ZNF7: variants seen among roughly 807,000 people sequenced by gnomAD.
ZNF7 encodes the protein C2-H2 type zinc finger protein.
In ZNF7, 10 loss-of-function variants were observed where a neutral mutation model predicts 12.0. The observed-to-expected ratio is 0.83, with a 90% confidence interval of 0.51 to 1.42. ZNF7 has a LOEUF of 1.42. Among genes scored for constraint, ZNF7 ranks in the 40% most tolerant of loss-of-function variants. The probability of loss-of-function intolerance (pLI) is 0.00; values close to 1 mark genes in which losing one functional copy is unlikely to be tolerated. For synonymous variants in ZNF7, 334 were observed against 295.0 expected (o/e 1.13, Z -1.35); for missense variants, 854 against 837.2 (o/e 1.02, Z -0.25).
At position 144,842,526 on chromosome 8, in the gene ZNF7, G is replaced by A; in HGVS notation, c.1419G>A (p.Glu473=). 4 of 1,614,120 alleles carry A rather than the reference G, an allele frequency of 2.5e-6. No individual in the cohort carries two copies. Among genetic ancestry groups the A allele is most frequent in the Non-Finnish European group, 3.4e-6 (4 of 1,180,022 alleles). Reference sequence around the variant, plus strand: ...GAGAAAAACCATTTAAATGTGATGAGTGTGGCAAAGGCTTTGTTCAGGGCT... The same window carrying A: ...GAGAAAAACCATTTAAATGTGATGAATGTGGCAAAGGCTTTGTTCAGGGCT... The part of the protein sequence containing the change: ...HTGEKPFKCD[E]CGKGFVQGSH... Residue 473 remains glutamate, a synonymous_variant, in exon 5 of 5, where the codon GAG becomes GAA. Coordinates refer to ENST00000532777, the MANE Select transcript of ZNF7 (RefSeq NM_003416.4).
intron 4 of ZNF7, among the ~76,000 whole-genome samples, chr8:144,840,668 T>G (rs1625919): frequency 6.6e-6 from 1 of 151,766 alleles, no homozygotes; most frequent in African/African-American, 2.4e-5. Flanking sequence ...GAAGGCCTCC[T>G]GGGGGCCTCC....
At position 144,841,540 on chromosome 8, in the gene ZNF7, G is replaced by A. The variant is rs1350102788; in HGVS notation, c.433G>A (p.Gly145Ser). The part of the protein sequence containing the change: ...HLGSPGLKVT[G>S]FTFQNNCLNE... Reference sequence around the variant, plus strand: ...GGGCAGTCCCGGGCTGAAAGTGACAGGCTTTACCTTCCAAAATAACTGTTT... The same window carrying A: ...GGGCAGTCCCGGGCTGAAAGTGACAAGCTTTACCTTCCAAAATAACTGTTT... The change falls in exon 5 of 5, where the codon GGC (glycine) becomes AGC (serine). Residue 145 changes from glycine (G) to serine (S), a missense_variant. Gly to Ser is a moderately conservative substitution (Grantham distance 56). Transcript: ENST00000532777. The A allele has an allele frequency of 6.2e-7, 1 of 1,614,048 alleles. No homozygotes were observed. Among genetic ancestry groups the A allele is most frequent in the African/African-American group, 1.3e-5 (1 of 74,918 alleles).
chr8:144,841,842 T>C lies in ZNF7; in HGVS notation c.735T>C (p.His245=), dbSNP rs1563841493. The stretch of plus-strand genomic sequence containing the variant: ...AGGGGAAACATACAAATAACTGCCA[T>C]GGAGAGAAGCCGTACGAATGTGCAG... The part of the protein sequence containing the change: ...CLQGKHTNNC[H]GEKPYECAEC... Residue 245 remains histidine (H), a synonymous_variant, in exon 5 of 5, where the codon CAT becomes CAC. Coordinates refer to ENST00000532777, the MANE Select transcript of ZNF7 (RefSeq NM_003416.4). 7.4e-6 allele frequency: 12 copies of C among 1,614,018 alleles called. No individual in the cohort carries two copies. Among genetic ancestry groups the C allele is most frequent in the Admixed American group, 1.7e-5 (1 of 60,004 alleles).
chr8:144,842,301 A>C lies in ZNF7; in HGVS notation c.1194A>C (p.Pro398=). ...KAQILKASDS[P]SLVAHQRIHA... Reference sequence around the variant, plus strand: ...AAATTCTAAAAGCCTCAGACAGTCCAAGCCTTGTTGCACATCAGAGAATTC... The same window carrying C: ...AAATTCTAAAAGCCTCAGACAGTCCCAGCCTTGTTGCACATCAGAGAATTC... The change falls in exon 5 of 5, where the codon CCA becomes CCC. Residue 398 remains proline, a synonymous_variant. Transcript: ENST00000532777. 6.2e-7 allele frequency: 1 copy of C among 1,614,056 alleles called. No individual in the cohort carries two copies. The highest frequency in any genetic ancestry group is 1.1e-5 in the South Asian group (1 of 91,090).
intron 3 of ZNF7, 94 bp from the exon 4 acceptor site, chr8:144,837,296 CT>C (rs887759581): frequency 9.2e-7 from 1 of 1,085,264 alleles, no homozygotes; most frequent in African/African-American, 1.5e-5. Flanking sequence ...TGTAGCCCCC[CT>C]GCCCCTTTCC....
downstream of ZNF7, among the ~76,000 whole-genome samples, chr8:144,844,709 CAA>C (rs71320849): frequency 1.6e-4 from 14 of 88,642 alleles, no homozygotes; most frequent in East Asian, 2.1e-3. Flanking sequence ...GACTCTGTAT[CAA>C]AAAAAAAAAA....
chr8:144,836,971 A>C lies in ZNF7; in HGVS notation c.131-420A>C, dbSNP rs114184312. ...TGCAAAATGTGCTTCGTTTGTGTCT[A>C]TTCATCGTTGTTTGTTACCTTATTT... On this transcript the variant is annotated intron_variant, in intron 3 of 4. Transcript: ENST00000532777. The C allele has an allele frequency of 1.3e-3, 207 of 154,654 alleles. 1 individual carries two copies. The highest frequency in any genetic ancestry group is 3.9e-3 in the Admixed American group (60 of 15,502). The allele number at this position is 154,654 out of a possible 1,614,324, so 9.6% of individuals were successfully genotyped here.
chr8:144,837,542 G>A (rs779425755), intron 4 of ZNF7, 35 bp downstream of exon 4: 1 of 1,530,830 alleles, frequency 6.5e-7, no homozygotes, highest in Non-Finnish European at 9.0e-7. Flanking sequence ...GAAGCCCTGG[G>A]GTGAGGAGAA....
downstream of ZNF7, among the ~76,000 whole-genome samples, chr8:144,845,587 T>C (rs775464101): frequency 4.6e-5 from 7 of 152,214 alleles, no homozygotes; most frequent in Non-Finnish European, 8.8e-5. Flanking sequence ...CCTTGTCCAT[T>C]TGATTTTCTC....
intron 4 of ZNF7, chr8:144,841,105 G>A (rs1397744705): frequency 6.2e-6 from 3 of 480,748 alleles, no homozygotes; most frequent in Non-Finnish European, 1.1e-5. Flanking sequence ...GGACCTCTCT[G>A]CTCACAGAAC....
downstream of ZNF7, among the ~76,000 whole-genome samples, chr8:144,845,290 C>T (rs997430789): frequency 3.9e-5 from 6 of 152,214 alleles, no homozygotes; most frequent in African/African-American, 7.2e-5. Flanking sequence ...ATTCCCATGA[C>T]GCAGAGGCCC....
Position 144,842,958 on chromosome 8 carries a change from A to G in ZNF7, c.1851A>G (p.Glu617=), listed in dbSNP as rs772935138. 2 of 1,614,234 alleles carry G rather than the reference A, an allele frequency of 1.2e-6. No individual in the cohort carries two copies. Among genetic ancestry groups the G allele is most frequent in the South Asian group, 2.2e-5 (2 of 91,086 alleles). ...QWFYEYGNAL[E]GSTFVSRKKV... ...TTTACGAATATGGGAATGCCCTGGA[A>G]GGGTCCACCTTTGTGAGCCGTAAAA... The change falls in exon 5 of 5, where the codon GAA becomes GAG. Residue 617 remains glutamate (E), a synonymous_variant. Coordinates refer to ENST00000532777, the MANE Select transcript of ZNF7 (RefSeq NM_003416.4).
rs1486478556 is a variant in ZNF7 at position 144,841,981 on chromosome 8, A to G, written c.874A>G (p.Lys292Glu). 1.2e-6 allele frequency: 2 copies of G among 1,614,168 alleles called. No homozygotes were observed. The highest frequency in any genetic ancestry group is 1.7e-6 in the Non-Finnish European group (2 of 1,180,020). The change falls in exon 5 of 5, where the codon AAA (lysine) becomes GAA (glutamate). Residue 292 changes from lysine (K) to glutamate (E), a missense_variant. By Grantham distance (56) the Lys-to-Glu change is moderately conservative. Coordinates refer to ENST00000532777, the MANE Select transcript of ZNF7 (RefSeq NM_003416.4). ...TGGAAAAGCCTTCCGCCTGAGCTCA[A>G]AACTTATTCAGCATCAAAGAATCCA... ...ECGKAFRLSSKLIQHQRIHTG... is the reference protein window; with the variant it reads ...ECGKAFRLSSELIQHQRIHTG...
downstream of ZNF7, chr8:144,846,355 T>C (rs1406289768): frequency 4.8e-6 from 3 of 628,238 alleles, no homozygotes; most frequent in African/African-American, 3.7e-5. Context: ...TTCTGAATGG[T>C]TGGGGAGAAA....
At position 144,842,787 on chromosome 8, in the gene ZNF7, A is replaced by G; in HGVS notation, c.1680A>G (p.Lys560=). 6.2e-7 allele frequency: 1 copy of G among 1,614,230 alleles called. No homozygotes were observed. Among genetic ancestry groups the G allele is most frequent in the East Asian group, 2.2e-5 (1 of 44,886 alleles). ...ERPYKCNECG[K]AFSQNSTLFQ... ...CCTATAAATGTAATGAATGTGGGAA[A>G]GCCTTCAGTCAAAACTCAACCCTTT... is the stretch of plus-strand genomic sequence containing the variant. The change falls in exon 5 of 5, where the codon AAA becomes AAG. Residue 560 remains lysine, a synonymous_variant. Coordinates refer to ENST00000532777, the MANE Select transcript of ZNF7 (RefSeq NM_003416.4).
At position 144,841,853 on chromosome 8, in the gene ZNF7, C is replaced by T. The variant is rs768311169; in HGVS notation, c.746C>T (p.Pro249Leu). The T allele has an allele frequency of 2.7e-5, 44 of 1,614,010 alleles. No individual in the cohort carries two copies. Among genetic ancestry groups the T allele is most frequent in the Middle Eastern group, 3.3e-4 (2 of 6,084 alleles). ...KHTNNCHGEKPYECAECGKVF... is the reference protein window; with the variant it reads ...KHTNNCHGEKLYECAECGKVF... The stretch of plus-strand genomic sequence containing the variant: ...ACAAATAACTGCCATGGAGAGAAGC[C>T]GTACGAATGTGCAGAGTGTGGGAAA... Residue 249 changes from proline to leucine, a missense_variant, in exon 5 of 5, where the codon CCG becomes CTG. Pro to Leu is a moderately conservative substitution (Grantham distance 98). Transcript: ENST00000532777.
chr8:144,842,066 G>T lies in ZNF7; in HGVS notation c.959G>T (p.Ser320Ile). The T allele has an allele frequency of 6.2e-7, 1 of 1,614,038 alleles. No homozygotes were observed. ...GGAAAAGCTTTTGGTCAGAGCTCAA[G>T]CCTCATCCACCATCAGAGAATCCAC... is the stretch of plus-strand genomic sequence containing the variant. ...ECGKAFGQSS[S>I]LIHHQRIHTG... The change falls in exon 5 of 5, where the codon AGC becomes ATC. Residue 320 changes from serine to isoleucine, a missense_variant. Ser to Ile is a moderately radical substitution (Grantham distance 142). Coordinates refer to ENST00000532777, the MANE Select transcript of ZNF7 (RefSeq NM_003416.4).
intron 3 of ZNF7, chr8:144,830,800 C>A (rs899440177): frequency 1.6e-5 from 6 of 372,616 alleles, no homozygotes; most frequent in Middle Eastern, 6.4e-4. Flanking sequence ...ATGGCGCGAT[C>A]TTGGCTCACC....
At chr8:144,828,813 C>T (rs1828100834) in intron 1 of ZNF7, 4 of 586,322 alleles carry the variant, frequency 6.8e-6, no homozygotes, top group Middle Eastern at 4.5e-4. Context: ...CTTCTTACGG[C>T]TTTGTGGAGT....
Sources: allele counts gnomAD v4.1 joint callset (sites outside exome capture counted in the v4.1 genomes callset), GRCh38; gene constraint gnomAD v4.1.1; transcripts MANE v1.5; gene names NCBI Gene and HGNC (gene_info 2026-07-23, HGNC 2026-07-21).